Variants in UBE2D3 observed in about 807,000 individuals in gnomAD.
The protein encoded by UBE2D3 is ubiquitin-conjugating enzyme E2 D3.
A neutral mutation model predicts 22.8 loss-of-function variants in UBE2D3; 2 were observed. That is an observed-to-expected ratio of 0.09 (90% CI 0.04 to 0.28). UBE2D3 has a LOEUF of 0.28. Ranked by LOEUF, UBE2D3 falls within the 10% of genes least tolerant of loss-of-function variation. UBE2D3 has a pLI of 1.00. For missense variants in UBE2D3, 27 were observed against 182.5 expected, an observed-to-expected ratio of 0.15 and a Z score of 4.91; for synonymous variants, 56 against 60.4, an observed-to-expected ratio of 0.93 and a Z score of 0.34.
At chr4:102,799,021 GT>G in intron 7 of UBE2D3, 1 of 1,543,308 alleles carries the variant, frequency 6.5e-7, no homozygotes, top group Non-Finnish European at 8.9e-7. Context: ...ACATATGAAA[GT>G]TATAATGGTT....
At chr4:102,867,877 C>G (rs932892490) in intron 1 of UBE2D3, among the ~76,000 whole-genome samples, 3 of 152,064 alleles carry the variant, frequency 2.0e-5, no homozygotes, top group Non-Finnish European at 4.4e-5. Context: ...CAATGCAAAT[C>G]TGTAAACTTT....
chr4:102,860,415 G>C (rs923189420), intron 1 of UBE2D3, among the ~76,000 whole-genome samples: 1 of 123,936 alleles, frequency 8.1e-6, no homozygotes, highest in Non-Finnish European at 1.7e-5. Context: ...GTGTGTGTGT[G>C]TGTGTGTATG....
At chr4:102,849,145 A>G (rs1456409635) in intron 1 of UBE2D3, among the ~76,000 whole-genome samples, 1 of 151,974 alleles carries the variant, frequency 6.6e-6, no homozygotes, top group East Asian at 1.9e-4. Context: ...AGGCAAGAGG[A>G]TGGCTTGAGC....
intron 1 of UBE2D3, among the ~76,000 whole-genome samples, chr4:102,868,072 C>CTTTTTTTTTTTTTTTTTTT (rs11418599): frequency 6.1e-5 from 7 of 115,276 alleles, no homozygotes; most frequent in African/African-American, 2.1e-4. Context: ...GCTTTAGATT[C>CTTTTTTTTTTTTTTTTTTT]TTTTTTTTTT....
At chr4:102,798,877 A>T in intron 7 of UBE2D3, 2 of 1,557,536 alleles carry the variant, frequency 1.3e-6, no homozygotes, top group Non-Finnish European at 1.8e-6. Flanking sequence ...TGCAGCACTC[A>T]AGTGCTGGCA....
intron 2 of UBE2D3, among the ~76,000 whole-genome samples, chr4:102,820,814 C>T (rs552709788): frequency 5.9e-5 from 9 of 152,164 alleles, no homozygotes; most frequent in African/African-American, 1.9e-4. Context: ...ACACATTAGC[C>T]ATGAAATTAC....
chr4:102,827,465 TCCTCCCCGCGCGGCAGCTGGTG>T lies in UBE2D3; in HGVS notation c.-189_-168del, dbSNP rs1360419105. 2 of 985,910 alleles carry T rather than the reference TCCTCCCCGCGCGGCAGCTGGTG, an allele frequency of 2.0e-6. No individual in the cohort carries two copies. The highest frequency in any genetic ancestry group is 1.1e-4 in the East Asian group (1 of 8,792). 61.1% of individuals were successfully genotyped at this position (985,910 alleles called of 1,614,324 possible). ...CCTCCCTCAAGCTGCGGCCTCGGCC[TCCTCCCCGCGCGGCAGCTGGTG>T]CCTCCCCGGCCCTACGGGGCTCACG... On this transcript the variant is annotated 5_prime_UTR_variant, in exon 1 of 8. Coordinates refer to ENST00000453744, the MANE Select transcript of UBE2D3 (RefSeq NM_181891.3).
At chr4:102,868,273 T>C (rs1011114405) in intron 1 of UBE2D3, among the ~76,000 whole-genome samples, 1 of 151,418 alleles carries the variant, frequency 6.6e-6, no homozygotes, top group East Asian at 1.9e-4. Flanking sequence ...TTTCACCATC[T>C]TGACCTGGCT....
At chr4:102,868,693 G>A (rs1451616670) in intron 1 of UBE2D3, 3 of 1,613,920 alleles carry the variant, frequency 1.9e-6, no homozygotes, top group East Asian at 2.2e-5. Context: ...AGGGGACGAA[G>A]TAGAGACAGC....
At chr4:102,804,790 T>C (rs1726771008) in intron 4 of UBE2D3, among the ~76,000 whole-genome samples, 3 of 151,872 alleles carry the variant, frequency 2.0e-5, no homozygotes, top group South Asian at 2.1e-4. Flanking sequence ...TTCTCCCACC[T>C]CACCCTCCCG....
intron 1 of UBE2D3, among the ~76,000 whole-genome samples, chr4:102,845,594 T>A (rs986549293): frequency 1.5e-4 from 23 of 152,176 alleles, no homozygotes; most frequent in African/African-American, 3.6e-4. Context: ...CTTCAAATTT[T>A]ACTACAAAAC....
chr4:102,802,520 G>A (rs1266921387), intron 5 of UBE2D3, 41 bp downstream of exon 5: 1 of 1,504,508 alleles, frequency 6.6e-7, no homozygotes, highest in Admixed American at 1.9e-5. Context: ...TTGAAATAAA[G>A]CATAAATCTA....
At position 102,863,983 on chromosome 4, in the gene UBE2D3, G is replaced by GA. The variant is rs998807301; in HGVS notation, c.-129+4731dup. Among the ~76,000 whole-genome samples, 44 of 151,746 alleles carry GA rather than the reference G, an allele frequency of 2.9e-4. 1 individual carries two copies. Among genetic ancestry groups the GA allele is most frequent in the Admixed American group, 6.6e-4 (10 of 15,234 alleles). On this transcript the variant is annotated intron_variant, in intron 1 of 7. Coordinates refer to the UBE2D3 transcript ENST00000338145. ...CATGTAGATCTAGACCAACCACTGTGAAAAAAACAAGGTGCAGCTAATAAT... is the reference window on the plus strand; with the variant it reads ...CATGTAGATCTAGACCAACCACTGTGAAAAAAAACAAGGTGCAGCTAATAAT...
chr4:102,860,407 G>GTGTGTGTGTGTA (rs1170900202), intron 1 of UBE2D3, among the ~76,000 whole-genome samples: 2 of 117,426 alleles, frequency 1.7e-5, no homozygotes, highest in Admixed American at 1.7e-4. Flanking sequence ...TTTTCCTGGT[G>GTGTGTGTGTGTA]TGTGTGTGTG....
At chr4:102,818,844 A>G (rs1729139274) in intron 2 of UBE2D3, among the ~76,000 whole-genome samples, 1 of 152,130 alleles carries the variant, frequency 6.6e-6, no homozygotes, top group South Asian at 2.1e-4. Context: ...TACTGTAGTC[A>G]CTATGGGATA....
chr4:102,805,376 A>T (rs1181904817), intron 4 of UBE2D3, among the ~76,000 whole-genome samples: 1 of 152,210 alleles, frequency 6.6e-6, no homozygotes, highest in Non-Finnish European at 1.5e-5. Flanking sequence ...CTCAAATCGT[A>T]CAAGTCCAGA....
intron 1 of UBE2D3, among the ~76,000 whole-genome samples, chr4:102,863,589 G>A (rs957320185): frequency 6.6e-6 from 1 of 152,054 alleles, no homozygotes; most frequent in Non-Finnish European, 1.5e-5. Flanking sequence ...CATCTCCCGG[G>A]TTCAAGTGAT....
intron 2 of UBE2D3, among the ~76,000 whole-genome samples, chr4:102,813,577 T>C (rs571040162): frequency 6.6e-6 from 1 of 152,242 alleles, no homozygotes; most frequent in African/African-American, 2.4e-5. Context: ...TTGAAAAGTA[T>C]ATATACAAGT....
intron 2 of UBE2D3, chr4:102,811,336 CT>C (rs11386828): frequency 0.57 from 87,973 of 153,296 alleles, 26,504 homozygotes; most frequent in African/African-American, 0.78. Context: ...ACAGAGCTGT[CT>C]TGAGACAGAA....
Sources: allele counts gnomAD v4.1 joint callset (sites outside exome capture counted in the v4.1 genomes callset), GRCh38; gene constraint gnomAD v4.1.1; transcripts MANE v1.5; gene names NCBI Gene and HGNC (gene_info 2026-07-23, HGNC 2026-07-21).